Variants in KIF5B observed in about 807,000 individuals in gnomAD.
The protein encoded by KIF5B is kinesin family member 5B, also known as kinesin-1 heavy chain.
In KIF5B, 49 loss-of-function variants were observed where a neutral mutation model predicts 132.8. The observed-to-expected ratio is 0.37, with a 90% CI of 0.29 to 0.47. The LOEUF (loss-of-function observed/expected upper bound fraction) is 0.47. KIF5B is among the 20% of genes least tolerant of loss of function. The pLI is 1.00. For synonymous variants in KIF5B, 355 were observed against 369.4 expected (o/e 0.96, Z 0.45); for missense variants, 780 against 1,144.0 (o/e 0.68, Z 4.59).
Position 32,010,319 on chromosome 10 carries a change from G to C in KIF5B, c.*1218C>G, listed in dbSNP as rs1053540480. 6.6e-6 allele frequency: 1 copy of C among 152,050 alleles called. No individual in the cohort carries two copies. The highest frequency in any genetic ancestry group is 2.4e-5 in the African/African-American group (1 of 41,406). 9.4% of individuals were successfully genotyped at this position (152,050 alleles called of 1,614,324 possible). A position where few individuals can be genotyped will look rare whatever the true frequency, so the allele number is the denominator to read the frequency against. On this transcript the variant is annotated 3_prime_UTR_variant, in exon 26 of 26. Transcript: ENST00000302418. ...TCTGAGGAAAAAGTGGCAAAAATAC[G>C]TATACACTTAGTACTGATTACAAAA...
intron 11 of KIF5B, among the ~76,000 whole-genome samples, chr10:32,034,459 T>C (rs1841439678): frequency 6.6e-6 from 1 of 152,222 alleles, no homozygotes. Context: ...AAATAATCTG[T>C]CTTCAAGTTC....
At chr10:32,037,195 A>C in intron 8 of KIF5B, 59 bp downstream of exon 8, 1 of 1,539,164 alleles carries the variant, frequency 6.5e-7, no homozygotes, top group East Asian at 2.2e-5. Context: ...GTAACTCCCA[A>C]CTCAAACTAA....
In KIF5B at chr10:32,009,988, G is replaced by C. The variant is rs1374825255; in HGVS notation, c.*1549C>G. ...ATTTTAAATCAAAATTATTACAAAA[G>C]TGGAAATTACAATAGTTACGGAAAT... On this transcript the variant is annotated 3_prime_UTR_variant, in exon 26 of 26. Transcript: ENST00000302418. 1 of 152,064 alleles carries C rather than the reference G, an allele frequency of 6.6e-6. No homozygotes were observed. The highest frequency in any genetic ancestry group is 1.9e-4 in the East Asian group (1 of 5,190). 9.4% of individuals were successfully genotyped at this position (152,064 alleles called of 1,614,324 possible).
At position 32,019,862 on chromosome 10, in the gene KIF5B, G is replaced by T; in HGVS notation, c.2302C>A (p.Leu768Ile). ...DQEKSRKLHE[L>I]TVMQDRREQA... is the part of the protein sequence containing the mutation. ...TAATTAAAAACAATTACTCACGTAA[G>T]TTCATGTAGTTTTCTGCTCTTTTCC... The change falls in exon 20 of 26, where the codon CTT becomes ATT. Residue 768 changes from leucine (L) to isoleucine (I), a missense_variant. This residue lies in a region of KIF5B where 471 missense variants were observed against 569.9 expected (regional missense o/e 0.83). Transcript: ENST00000302418. 6.3e-7 allele frequency: 1 copy of T among 1,590,992 alleles called. No individual in the cohort carries two copies. The highest frequency in any genetic ancestry group is 8.6e-7 in the Non-Finnish European group (1 of 1,162,724).
At chr10:32,043,225 A>G (rs558901829) in intron 2 of KIF5B, among the ~76,000 whole-genome samples, 13 of 151,872 alleles carry the variant, frequency 8.6e-5, no homozygotes, top group Non-Finnish European at 1.6e-4. Flanking sequence ...CTGGTCTTCA[A>G]CTCCTGACCT....
chr10:32,039,496 T>A, intron 3 of KIF5B, 65 bp from the exon 4 acceptor site: 1 of 768,054 alleles, frequency 1.3e-6, no homozygotes, highest in South Asian at 1.7e-5. Context: ...AACAAAGAGT[T>A]TCAATCTACA....
intron 2 of KIF5B, among the ~76,000 whole-genome samples, chr10:32,045,699 T>C (rs545690767): frequency 6.6e-6 from 1 of 152,246 alleles, no homozygotes; most frequent in South Asian, 2.1e-4. Flanking sequence ...GTAAAGACTA[T>C]GGTTGAACTA....
At chr10:32,030,471 C>T (rs1229336243) in intron 14 of KIF5B, among the ~76,000 whole-genome samples, 1 of 150,780 alleles carries the variant, frequency 6.6e-6, no homozygotes, top group Non-Finnish European at 1.5e-5. Flanking sequence ...GCCAAGATTG[C>T]GCCATTGCAC....
intron 15 of KIF5B, among the ~76,000 whole-genome samples, chr10:32,024,193 C>T (rs1368628950): frequency 1.9e-5 from 2 of 106,698 alleles, no homozygotes; most frequent in Non-Finnish European, 3.4e-5. Flanking sequence ...CTCGCTCTGT[C>T]GCCCAGGCTG....
intron 12 of KIF5B, among the ~76,000 whole-genome samples, chr10:32,033,175 C>T (rs1841422963): frequency 6.6e-6 from 1 of 152,116 alleles, no homozygotes; most frequent in Non-Finnish European, 1.5e-5. Context: ...TTCCCTTAAT[C>T]TCTCACATCA....
chr10:32,026,362 C>T (rs1176081219), intron 15 of KIF5B, among the ~76,000 whole-genome samples: 3 of 136,030 alleles, frequency 2.2e-5, no homozygotes, highest in Non-Finnish European at 3.1e-5. Flanking sequence ...GGCATGAACC[C>T]GGGAGGCGGA....
chr10:32,024,379 C>T (rs1841307835), intron 15 of KIF5B, among the ~76,000 whole-genome samples: 1 of 147,470 alleles, frequency 6.8e-6, no homozygotes. Flanking sequence ...TGGTCTTGAT[C>T]TCCTGACCTC....
chr10:32,039,289 C>T (rs1315668859), intron 4 of KIF5B, 38 bp downstream of exon 4: 1 of 745,036 alleles, frequency 1.3e-6, no homozygotes. Context: ...ATTATTCTTG[C>T]TGTAAAATAA....
At chr10:32,026,809 T>C (rs780116003) in intron 15 of KIF5B, among the ~76,000 whole-genome samples, 1 of 152,196 alleles carries the variant, frequency 6.6e-6, no homozygotes, top group Non-Finnish European at 1.5e-5. Flanking sequence ...AAATGTACTT[T>C]TCCATCCTAG....
At chr10:32,032,278 A>G (rs923759046) in intron 13 of KIF5B, among the ~76,000 whole-genome samples, 7 of 152,214 alleles carry the variant, frequency 4.6e-5, no homozygotes, top group African/African-American at 1.4e-4. Context: ...TATAGTTGAA[A>G]TATGAAATGC....
chr10:32,014,581 TGTA>T (rs1254719695), intron 25 of KIF5B, among the ~76,000 whole-genome samples: 2 of 152,116 alleles, frequency 1.3e-5, no homozygotes, highest in Non-Finnish European at 2.9e-5. Flanking sequence ...TAGTATATTG[TGTA>T]GTATCTCTAG....
chr10:32,016,222 C>T (rs946855058), intron 24 of KIF5B, among the ~76,000 whole-genome samples: 6 of 152,020 alleles, frequency 3.9e-5, no homozygotes, highest in South Asian at 4.2e-4. Flanking sequence ...TTTGGGAGGC[C>T]GAGGCAGGTG....
chr10:32,025,942 A>G (rs894256832), intron 15 of KIF5B, among the ~76,000 whole-genome samples: 1 of 152,272 alleles, frequency 6.6e-6, no homozygotes, highest in Non-Finnish European at 1.5e-5. Flanking sequence ...TAAAGATAGT[A>G]AAAACATCAG....
chr10:32,014,236 T>A (rs545837103), intron 25 of KIF5B, among the ~76,000 whole-genome samples: 68 of 152,150 alleles, frequency 4.5e-4, no homozygotes, highest in East Asian at 3.9e-3. Context: ...GGCTACAAAA[T>A]ACAAAATTAG....
Sources: gnomAD v4.1 joint callset for allele counts (sites outside exome capture counted in the v4.1 genomes callset) on GRCh38, gnomAD v4.1.1 for gene constraint, gnomAD v4.1.1 regional missense constraint, MANE v1.5 for transcripts, NCBI Gene and HGNC (gene_info 2026-07-23, HGNC 2026-07-21) for gene names.